DNAJC7: variants seen among roughly 807,000 people sequenced by gnomAD.
DNAJC7 encodes the protein DnaJ heat shock protein family (Hsp40) member C7.
A neutral mutation model predicts 67.4 loss-of-function variants in DNAJC7; 18 were observed. The observed-to-expected ratio is 0.27, with a 90% CI of 0.18 to 0.40. The LOEUF is 0.40. DNAJC7 is among the 10% of genes least tolerant of loss of function. The pLI, the probability that DNAJC7 is intolerant of heterozygous loss-of-function variation, is 1.00. For missense variants in DNAJC7, 419 were observed against 613.8 expected (o/e 0.68, Z 3.35); for synonymous variants, 220 against 207.8 (o/e 1.06, Z -0.50).
intron 9 of DNAJC7, chr17:41,985,548 A>G (rs1393801291): frequency 6.6e-6 from 1 of 152,142 alleles, no homozygotes; most frequent in Non-Finnish European, 1.5e-5. Flanking sequence ...ACTAATTTGC[A>G]TTTTTACTTC....
At chr17:42,008,654 C>T (rs369675993) in intron 1 of DNAJC7, among the ~76,000 whole-genome samples, 2 of 152,126 alleles carry the variant, frequency 1.3e-5, no homozygotes, top group East Asian at 1.9e-4. Context: ...TCATGATCCG[C>T]CCGCCTCGGC....
At chr17:41,999,515 C>T (rs1555649109) in intron 2 of DNAJC7, among the ~76,000 whole-genome samples, 1 of 151,868 alleles carries the variant, frequency 6.6e-6, no homozygotes, top group African/African-American at 2.4e-5. Context: ...CTACTTTTCT[C>T]AATTTTTTTT....
At chr17:42,009,062 G>A (rs1305517509) in intron 1 of DNAJC7, among the ~76,000 whole-genome samples, 4 of 152,080 alleles carry the variant, frequency 2.6e-5, no homozygotes, top group African/African-American at 7.2e-5. Flanking sequence ...ATTTATGCTC[G>A]GTGCTTCATC....
intron 7 of DNAJC7, 129 bp downstream of exon 7, chr17:41,989,275 C>T (rs1567958893): frequency 1.5e-6 from 2 of 1,299,482 alleles, no homozygotes; most frequent in Non-Finnish European, 2.1e-6. Flanking sequence ...CTAATAAAGA[C>T]CAAGCATCCT....
At position 41,977,282 on chromosome 17, in the gene DNAJC7, G is replaced by A. The variant is rs1555645069; in HGVS notation, c.1426C>T (p.Pro476Ser). 5.0e-6 allele frequency: 8 copies of A among 1,584,704 alleles called. No individual in the cohort carries two copies. Among genetic ancestry groups the A allele is most frequent in the Non-Finnish European group, 6.0e-6 (7 of 1,165,536 alleles). The change falls in exon 13 of 14, where the codon CCT (proline) becomes TCT (serine). Residue 476 changes from proline (P) to serine (S), a missense_variant. Physicochemically the swap from Pro to Ser is moderately conservative, Grantham distance 74 (BLOSUM62 -1). Transcript: ENST00000457167. ...CTACCTTCAAAGCTGAAGCCGCCAG[G>A]ACCGCCAAAGAATGCCTTGAAGATA... ...NNIFKAFFGGPGGFSFEASGP... is the reference protein window; with the variant it reads ...NNIFKAFFGGSGGFSFEASGP...
intron 9 of DNAJC7, chr17:41,984,297 ATCT>A (rs1228726340): frequency 2.1e-5 from 3 of 145,742 alleles, no homozygotes; most frequent in Non-Finnish European, 4.5e-5. Flanking sequence ...TGATTGCGAG[ATCT>A]TTTTTTTTTT....
chr17:41,989,012 GC>G, intron 7 of DNAJC7, 116 bp from the exon 8 acceptor site: 1 of 1,279,174 alleles, frequency 7.8e-7, no homozygotes, highest in East Asian at 2.4e-5. Flanking sequence ...GCATCACAGA[GC>G]CCCGCCAACC....
chr17:42,002,222 T>TG (rs2051826336), intron 1 of DNAJC7, among the ~76,000 whole-genome samples: 1 of 152,188 alleles, frequency 6.6e-6, no homozygotes, highest in Non-Finnish European at 1.5e-5. Flanking sequence ...TGTGAAGAAA[T>TG]GGAGTAGCAA....
chr17:41,982,433 A>G (rs1199177248), intron 10 of DNAJC7, 32 bp from the exon 11 acceptor site: 2 of 1,609,706 alleles, frequency 1.2e-6, no homozygotes, highest in African/African-American at 2.7e-5. Flanking sequence ...CAGTGGACAA[A>G]TCTGACTCTG....
chr17:42,005,495 A>G (rs1259015590), intron 1 of DNAJC7, among the ~76,000 whole-genome samples: 1 of 152,210 alleles, frequency 6.6e-6, no homozygotes, highest in Non-Finnish European at 1.5e-5. Context: ...CTAATGCAGA[A>G]TTAATTGTGT....
rs782211456 is a variant in DNAJC7, at chr17:41,988,752, G to T, written c.898C>A (p.Arg300=). 6.2e-7 allele frequency: 1 copy of T among 1,608,248 alleles called. No homozygotes were observed. Among genetic ancestry groups the T allele is most frequent in the Non-Finnish European group, 8.5e-7 (1 of 1,178,138 alleles). Residue 300 remains arginine, a synonymous_variant, in exon 8 of 14, where the codon CGG becomes AGG. Coordinates refer to ENST00000457167, the MANE Select transcript of DNAJC7 (RefSeq NM_003315.4). ...CTTACCTTGGAATTAACCGTACCCCGATTACAGTAGAGTTTAGCATTTGTT... is the reference window on the plus strand; with the variant it reads ...CTTACCTTGGAATTAACCGTACCCCTATTACAGTAGAGTTTAGCATTTGTT... ...IKTNAKLYCN[R]GTVNSKLRKL...
In DNAJC7 at chr17:41,983,651, C is replaced by T. The variant is rs141872445; in HGVS notation, c.1011-15G>A. 4 of 1,593,078 alleles carry T rather than the reference C, an allele frequency of 2.5e-6. No individual in the cohort carries two copies. The highest frequency in any genetic ancestry group is 2.7e-5 in the African/African-American group (2 of 74,840). On this transcript the variant is annotated splice_polypyrimidine_tract_variant and intron_variant, in intron 9 of 13. Transcript: ENST00000457167. ...TGTCCATGTAACTGAGAAGGAAATA[C>T]AAGGCAATACAGCACTAAGACATAA... is the stretch of plus-strand genomic sequence containing the variant.
chr17:42,011,671 T>C (rs2052121300), intron 1 of DNAJC7: 1 of 152,232 alleles, frequency 6.6e-6, no homozygotes, highest in South Asian at 2.1e-4. Context: ...CTCACTGATT[T>C]GGGTTCCAGG....
intron 1 of DNAJC7, 63 bp from the exon 2 acceptor site, chr17:42,000,633 C>T: frequency 7.7e-7 from 1 of 1,292,098 alleles, no homozygotes; most frequent in Non-Finnish European, 1.1e-6. Context: ...TGTAATCTTA[C>T]AGGAGGAATC....
At chr17:41,981,214 T>C (rs1485831716) in intron 12 of DNAJC7, among the ~76,000 whole-genome samples, 1 of 151,980 alleles carries the variant, frequency 6.6e-6, no homozygotes, top group Non-Finnish European at 1.5e-5. Context: ...TTTTTTTAAT[T>C]GAGACAAAGT....
intron 12 of DNAJC7, 68 bp downstream of exon 12, chr17:41,981,787 C>T: frequency 1.3e-6 from 2 of 1,579,198 alleles, no homozygotes; most frequent in Non-Finnish European, 1.7e-6. Context: ...CCCTCTGGAG[C>T]ATCTTTGGAA....
intron 9 of DNAJC7, chr17:41,987,483 T>C (rs2051413283): frequency 8.3e-6 from 2 of 241,718 alleles, no homozygotes; most frequent in Admixed American, 5.3e-5. Context: ...TGTCAAGCAC[T>C]GTGCCAGGGT....
intron 1 of DNAJC7, among the ~76,000 whole-genome samples, chr17:42,004,384 C>T (rs1259367812): frequency 6.6e-6 from 1 of 152,124 alleles, no homozygotes; most frequent in African/African-American, 2.4e-5. Flanking sequence ...TTTATGTTTT[C>T]CCCCACATCC....
At chr17:41,979,244 CAGG>C (rs1421746974) in intron 12 of DNAJC7, among the ~76,000 whole-genome samples, 7 of 151,782 alleles carry the variant, frequency 4.6e-5, no homozygotes, top group African/African-American at 1.7e-4. Context: ...GAGGCTGAGG[CAGG>C]AGAATTTCTT....
Sources: allele counts gnomAD v4.1 joint callset (sites outside exome capture counted in the v4.1 genomes callset), GRCh38; gene constraint gnomAD v4.1.1; transcripts MANE v1.5; gene names NCBI Gene and HGNC (gene_info 2026-07-23, HGNC 2026-07-21).